Variants in ENTPD4 observed in about 807,000 individuals in gnomAD.
ENTPD4 encodes ectonucleoside triphosphate diphosphohydrolase 4.
A neutral mutation model predicts 79.1 loss-of-function variants in ENTPD4; 60 were observed. That is an observed-to-expected ratio of 0.76 (90% CI 0.62 to 0.94). The LOEUF (loss-of-function observed/expected upper bound fraction) is 0.94, where lower values mean the gene tolerates loss of function less well. Among genes scored for constraint, ENTPD4 ranks in the 40% least tolerant of loss-of-function variants. The pLI, the probability that ENTPD4 is intolerant of heterozygous loss-of-function variation, is 0.00. For synonymous variants in ENTPD4, 276 were observed against 292.0 expected (o/e 0.95, Z 0.56); for missense variants, 772 against 775.1 (o/e 1.00, Z 0.05).
chr8:23,435,685 T>G (rs999515558), intron 10 of ENTPD4, among the ~76,000 whole-genome samples: 3 of 152,242 alleles, frequency 2.0e-5, no homozygotes, highest in African/African-American at 7.2e-5. Flanking sequence ...CTTAAAATTC[T>G]GTCCAGGGTA....
Position 23,429,506 on chromosome 8 carries a change from C to T in ENTPD4, c.*3420G>A, listed in dbSNP as rs1047871615. Reference sequence around the variant, plus strand: ...GTTTTGTTGCATTGCACACAACTGACCGCAGAGAATTCTAAAGCTGATTTT... The same window carrying T: ...GTTTTGTTGCATTGCACACAACTGATCGCAGAGAATTCTAAAGCTGATTTT... On this transcript the variant is annotated 3_prime_UTR_variant, in exon 13 of 13. Coordinates refer to ENST00000358689, the MANE Select transcript of ENTPD4 (RefSeq NM_004901.5). 1 of 985,294 alleles carries T rather than the reference C, an allele frequency of 1.0e-6. No individual in the cohort carries two copies. Among genetic ancestry groups the T allele is most frequent in the Admixed American group, 6.2e-5 (1 of 16,256 alleles). The allele number at this position is 985,294 out of a possible 1,614,324, so 61.0% of individuals were successfully genotyped here.
chr8:23,436,879 C>A, intron 10 of ENTPD4, 55 bp downstream of exon 10: 1 of 1,359,390 alleles, frequency 7.4e-7, no homozygotes, highest in Non-Finnish European at 1.0e-6. Flanking sequence ...AACCCGTCAC[C>A]GTCCACACTG....
chr8:23,448,742 C>T lies in ENTPD4; in HGVS notation c.206G>A (p.Arg69Lys), dbSNP rs763787127. ...GAAAGCAAATGTTTTTATCTCTTAC[C>T]TTTGAAATTTCTTGTCTCTGGTTAG... The part of the protein sequence containing the change: ...GRLTRDKKFQ[R>K]YLARVTDIEA... Residue 69 changes from arginine to lysine, a missense_variant and splice_region_variant, in exon 3 of 13, where the codon AGG (arginine) becomes AAG (lysine). Arg to Lys is a conservative substitution (Grantham distance 26, BLOSUM62 2). Coordinates refer to ENST00000358689, the MANE Select transcript of ENTPD4 (RefSeq NM_004901.5). The T allele has an allele frequency of 1.2e-6, 2 of 1,613,280 alleles. No individual in the cohort carries two copies. The highest frequency in any genetic ancestry group is 2.2e-5 in the East Asian group (1 of 44,880).
chr8:23,449,466 T>C (rs1382292211), intron 2 of ENTPD4, among the ~76,000 whole-genome samples: 1 of 152,184 alleles, frequency 6.6e-6, no homozygotes, highest in Non-Finnish European at 1.5e-5. Context: ...TTCTCCCAGA[T>C]GACTTGAGTA....
chr8:23,434,111 G>T (rs918728510), intron 12 of ENTPD4: 23 of 605,102 alleles, frequency 3.8e-5, no homozygotes, highest in Non-Finnish European at 5.8e-5. Flanking sequence ...CAGGAGTGCT[G>T]TGTATTACGG....
rs958320126 is a variant in ENTPD4 at position 23,432,810 on chromosome 8, T to C, written c.*116A>G. The C allele has an allele frequency of 1.4e-6, 2 of 1,444,862 alleles. No individual in the cohort carries two copies. The highest frequency in any genetic ancestry group is 2.9e-5 in the African/African-American group (2 of 69,750). The allele number at this position is 1,444,862 out of a possible 1,614,324, so 89.5% of individuals were successfully genotyped here. A position where few individuals can be genotyped will look rare whatever the true frequency, so the allele number is the denominator to read the frequency against. On this transcript the variant is annotated 3_prime_UTR_variant, in exon 13 of 13. Coordinates refer to ENST00000358689, the MANE Select transcript of ENTPD4 (RefSeq NM_004901.5). ...ACCGCGCTCGGCCTGCATTTTGTTT[T>C]TGTTTGGAGGAACAAAAAAGGGAAA... is the stretch of plus-strand genomic sequence containing the variant.
In ENTPD4 at chr8:23,457,586, G is replaced by C. The variant is rs1800984670; in HGVS notation, c.-127C>G. On this transcript the variant is annotated 5_prime_UTR_variant, in exon 1 of 13. Coordinates refer to ENST00000358689, the MANE Select transcript of ENTPD4 (RefSeq NM_004901.5). ...TTGGCCGGCCGGGGACCCCGGGAGC[G>C]GGGGACCACCAGTGGGCAGCATCAC... The C allele has an allele frequency of 6.6e-6, 1 of 151,800 alleles. No homozygotes were observed. Among genetic ancestry groups the C allele is most frequent in the Non-Finnish European group, 1.5e-5 (1 of 67,948 alleles). 9.4% of individuals were successfully genotyped at this position (151,800 alleles called of 1,614,324 possible). A position where few individuals can be genotyped will look rare whatever the true frequency, so the allele number is the denominator to read the frequency against.
intron 12 of ENTPD4, chr8:23,434,072 T>G: frequency 2.0e-6 from 1 of 488,828 alleles, no homozygotes. Context: ...AACAGACAGT[T>G]GAGAATAACC....
Position 23,431,405 on chromosome 8 carries a change from A to C in ENTPD4, c.*1521T>G, listed in dbSNP as rs778291028. 31 of 985,324 alleles carry C rather than the reference A, an allele frequency of 3.1e-5. No individual in the cohort carries two copies. The highest frequency in any genetic ancestry group is 3.6e-5 in the Non-Finnish European group (30 of 829,924). 61.0% of individuals were successfully genotyped at this position (985,324 alleles called of 1,614,324 possible). A position where few individuals can be genotyped will look rare whatever the true frequency, so the allele number is the denominator to read the frequency against. ...TCGCACAAAACAAACTCCACCTAAA[A>C]AAACTGTACGAGAATTCCCCAAACT... On this transcript the variant is annotated 3_prime_UTR_variant, in exon 13 of 13. Coordinates refer to ENST00000358689, the MANE Select transcript of ENTPD4 (RefSeq NM_004901.5).
Position 23,431,559 on chromosome 8 carries a change from C to T in ENTPD4, c.*1367G>A. 1 of 985,410 alleles carries T rather than the reference C, an allele frequency of 1.0e-6. No individual in the cohort carries two copies. The highest frequency in any genetic ancestry group is 1.2e-6 in the Non-Finnish European group (1 of 829,934). The allele number at this position is 985,410 out of a possible 1,614,324, so 61.0% of individuals were successfully genotyped here. ...GTGAATTTATTTCCTGTATTGGATGCAGACTCTTCCCTTCTGGATTTACAG... is the reference window on the plus strand; with the variant it reads ...GTGAATTTATTTCCTGTATTGGATGTAGACTCTTCCCTTCTGGATTTACAG... On this transcript the variant is annotated 3_prime_UTR_variant, in exon 13 of 13. Coordinates refer to ENST00000358689, the MANE Select transcript of ENTPD4 (RefSeq NM_004901.5).
At position 23,431,040 on chromosome 8, in the gene ENTPD4, C is replaced by CA. The variant is rs1800445815; in HGVS notation, c.*1885dup. Reference sequence around the variant, plus strand: ...AATCCAGGTGAGGGAGCCATGCCCCCACAGCTCTTGCCTCAAGGATCAGAT... The same window carrying CA: ...AATCCAGGTGAGGGAGCCATGCCCCCAACAGCTCTTGCCTCAAGGATCAGAT... On this transcript the variant is annotated 3_prime_UTR_variant, in exon 13 of 13. Transcript: ENST00000358689. The CA allele has an allele frequency of 1.1e-6, 1 of 913,162 alleles. No homozygotes were observed. Among genetic ancestry groups the CA allele is most frequent in the Admixed American group, 6.2e-5 (1 of 16,194 alleles). The allele number at this position is 913,162 out of a possible 1,614,324, so 56.6% of individuals were successfully genotyped here.
intron 2 of ENTPD4, 25 bp downstream of exon 2, chr8:23,449,868 C>A: frequency 6.2e-7 from 1 of 1,602,020 alleles, no homozygotes; most frequent in South Asian, 1.1e-5. Context: ...TTTCATGTTT[C>A]ATGGTGATTA....
In ENTPD4 at chr8:23,442,052, T is replaced by C; in HGVS notation, c.682A>G (p.Ile228Val). Reference protein sequence around the residue: ...SGKQEGVYAWIGINFVLGRFE... With the variant: ...SGKQEGVYAWVGINFVLGRFE... Reference sequence around the variant, plus strand: ...CGTCCAAGGACAAAATTAATGCCAATCCAAGCATACACACCTATAGACATT... The same window carrying C: ...CGTCCAAGGACAAAATTAATGCCAACCCAAGCATACACACCTATAGACATT... The change falls in exon 7 of 13, where the codon ATT becomes GTT. Residue 228 changes from isoleucine (I) to valine (V), a missense_variant. By Grantham distance (29) the Ile-to-Val change is conservative (BLOSUM62 3). Transcript: ENST00000358689. The C allele has an allele frequency of 6.2e-7, 1 of 1,613,422 alleles. No individual in the cohort carries two copies. Among genetic ancestry groups the C allele is most frequent in the Non-Finnish European group, 8.5e-7 (1 of 1,179,438 alleles).
chr8:23,438,132 T>C (rs1280431936), intron 9 of ENTPD4, among the ~76,000 whole-genome samples: 1 of 152,216 alleles, frequency 6.6e-6, no homozygotes, highest in Admixed American at 6.5e-5. Context: ...AGTTAACATC[T>C]GTCATCCTAT....
Position 23,448,757 on chromosome 8 carries a change from T to A in ENTPD4, c.191A>T (p.Asp64Val). ...IRNKYGRLTRDKKFQRYLARV... is the reference protein window; with the variant it reads ...IRNKYGRLTRVKKFQRYLARV... Reference sequence around the variant, plus strand: ...TATCTCTTACCTTTGAAATTTCTTGTCTCTGGTTAGTCGCCCATACTTATT... The same window carrying A: ...TATCTCTTACCTTTGAAATTTCTTGACTCTGGTTAGTCGCCCATACTTATT... Residue 64 changes from aspartate to valine, a missense_variant, in exon 3 of 13, where the codon GAC (aspartate) becomes GTC (valine). Transcript: ENST00000358689. 1 of 1,614,048 alleles carries A rather than the reference T, an allele frequency of 6.2e-7. No homozygotes were observed. Among genetic ancestry groups the A allele is most frequent in the South Asian group, 1.1e-5 (1 of 91,080 alleles).
intron 8 of ENTPD4, among the ~76,000 whole-genome samples, chr8:23,441,132 C>T (rs557303143): frequency 7.2e-5 from 11 of 152,270 alleles, no homozygotes; most frequent in African/African-American, 2.6e-4. Context: ...AGTAAACCAC[C>T]AGTTGAAAGA....
At chr8:23,434,533 A>T (rs1026643614) in intron 11 of ENTPD4, 55 bp from the exon 12 acceptor site, 2 of 757,440 alleles carry the variant, frequency 2.6e-6, no homozygotes, top group Non-Finnish European at 3.7e-6. Context: ...TCAAGATGGC[A>T]CACACACACA....
chr8:23,448,946 T>C lies in ENTPD4; in HGVS notation c.9-7A>G, dbSNP rs374730639. The C allele has an allele frequency of 6.2e-7, 1 of 1,610,302 alleles. No homozygotes were observed. The highest frequency in any genetic ancestry group is 1.3e-5 in the African/African-American group (1 of 74,766). On this transcript the variant is annotated splice_region_variant and splice_polypyrimidine_tract_variant and intron_variant, in intron 2 of 12. Transcript: ENST00000358689. ...AAGACAGGAGATGCCAATCCTGAAA[T>C]TAGAAGGAAAAAGATTTTAAAGCAA...
At chr8:23,441,899 C>T (rs1250829966) in intron 7 of ENTPD4, 108 bp downstream of exon 7, 8 of 1,174,446 alleles carry the variant, frequency 6.8e-6, no homozygotes, top group Non-Finnish European at 1.0e-5. Context: ...CATTCTACTC[C>T]TACACGCTTA....
Sources: gnomAD v4.1 joint callset for allele counts (sites outside exome capture counted in the v4.1 genomes callset) on GRCh38, gnomAD v4.1.1 for gene constraint, MANE v1.5 for transcripts, NCBI Gene and HGNC (gene_info 2026-07-23, HGNC 2026-07-21) for gene names.